Variants in ITGA11 observed in about 807,000 individuals in gnomAD.
The protein encoded by ITGA11 is integrin subunit alpha 11.
In ITGA11, 97 loss-of-function variants were observed where a neutral mutation model predicts 141.9. The ratio of observed to expected loss-of-function variants is 0.68; its 90% confidence interval spans 0.58 to 0.81. The LOEUF (loss-of-function observed/expected upper bound fraction) is 0.81, where lower values mean the gene tolerates loss of function less well. Ranked by LOEUF, ITGA11 falls within the 30% of genes least tolerant of loss-of-function variation. ITGA11 has a pLI of 0.00. For synonymous variants in ITGA11, 658 were observed against 624.6 expected (o/e 1.05, Z -0.80); for missense variants, 1,387 against 1,559.2 (o/e 0.89, Z 1.86).
chr15:68,404,995 G>T (rs766375642), intron 1 of ITGA11, among the ~76,000 whole-genome samples: 6 of 152,166 alleles, frequency 3.9e-5, no homozygotes, highest in Non-Finnish European at 8.8e-5. Flanking sequence ...ACCCAAGCCC[G>T]CTGGGTAGGG....
At position 68,308,857 on chromosome 15, in the gene ITGA11, T is replaced by A. The variant is rs867401636; in HGVS notation, c.3175-1161A>T. 2.0e-5 allele frequency among the ~76,000 whole-genome samples: 3 copies of A among 152,066 alleles called. No homozygotes were observed. The highest frequency in any genetic ancestry group is 2.1e-4 in the South Asian group (1 of 4,818). On this transcript the variant is annotated intron_variant, in intron 26 of 29. Coordinates refer to ENST00000315757, the MANE Select transcript of ITGA11 (RefSeq NM_001004439.2). The surrounding 1 kb of genome is among the most constrained non-coding windows in gnomAD (Gnocchi z 5.2). ...TATCAATTTGTGAGGAAAAAAAAAA[T>A]CTTGTTCAGGCCCTCACTGAAGAAG...
chr15:68,363,767 T>G (rs1895327899), intron 4 of ITGA11, among the ~76,000 whole-genome samples: 1 of 152,168 alleles, frequency 6.6e-6, no homozygotes. Context: ...TCGCCCATAC[T>G]CAACGCAGCT....
At chr15:68,390,297 C>G (rs1450165649) in intron 2 of ITGA11, among the ~76,000 whole-genome samples, 1 of 152,120 alleles carries the variant, frequency 6.6e-6, no homozygotes. Flanking sequence ...CTGTTTACTG[C>G]GGGCCCTTGA....
In ITGA11 at chr15:68,321,546, C is replaced by T. The variant is rs543866328; in HGVS notation, c.2323-43G>A. ...AGGTGTGGGCAGCTGGGTAGGGACC[C>T]GCAGCCCCTCGCCCTCAATGTACAC... On this transcript the variant is annotated intron_variant, in intron 18 of 29. Coordinates refer to ENST00000315757, the MANE Select transcript of ITGA11 (RefSeq NM_001004439.2). This position sits in a 1 kb window ranked among gnomAD's most constrained non-coding sequence, Gnocchi z 4.9. 21 of 1,315,454 alleles carry T rather than the reference C, an allele frequency of 1.6e-5. No homozygotes were observed. The highest frequency in any genetic ancestry group is 6.8e-5 in the South Asian group (5 of 73,654). 81.5% of individuals were successfully genotyped at this position (1,315,454 alleles called of 1,614,324 possible).
intron 4 of ITGA11, among the ~76,000 whole-genome samples, chr15:68,364,061 A>G (rs991915584): frequency 6.6e-6 from 1 of 152,200 alleles, no homozygotes; most frequent in African/African-American, 2.4e-5. Context: ...GCTCAGAAAC[A>G]TCATTGTTTA....
intron 5 of ITGA11, 102 bp from the exon 6 acceptor site, chr15:68,358,687 A>C (rs1229560545): frequency 7.9e-7 from 1 of 1,259,022 alleles, no homozygotes; most frequent in African/African-American, 1.5e-5. Flanking sequence ...ACTCTGCTCC[A>C]TATGTGTAAT....
chr15:68,356,968 ACTAC>A (rs1488269023), intron 7 of ITGA11, 179 bp downstream of exon 7: 4 of 596,906 alleles, frequency 6.7e-6, no homozygotes, highest in Non-Finnish European at 1.2e-5. Flanking sequence ...CCAGACTGCA[ACTAC>A]CTGAGAGGAC....
chr15:68,431,008 A>G (rs76443987), intron 1 of ITGA11, among the ~76,000 whole-genome samples: 2,990 of 152,328 alleles, frequency 0.02, 45 homozygotes, highest in Non-Finnish European at 0.03. Flanking sequence ...GAGCCCACGC[A>G]GAAGGGGAGG....
chr15:68,316,195 C>A (rs1325899911), intron 21 of ITGA11, among the ~76,000 whole-genome samples: 1 of 152,168 alleles, frequency 6.6e-6, no homozygotes, highest in Non-Finnish European at 1.5e-5. Context: ...GAGGAGATGG[C>A]CCAGAGAGGG....
At chr15:68,396,960 A>T (rs1245803290) in intron 2 of ITGA11, among the ~76,000 whole-genome samples, 17 of 6,512 alleles carry the variant, frequency 2.6e-3, no homozygotes, top group Admixed American at 3.2e-3. Flanking sequence ...TATTTATTAT[A>T]TAATAAATAA....
At chr15:68,410,951 T>G (rs1477871105) in intron 1 of ITGA11, among the ~76,000 whole-genome samples, 1 of 152,190 alleles carries the variant, frequency 6.6e-6, no homozygotes, top group South Asian at 2.1e-4. Context: ...ATAGGAGACC[T>G]AGTAACTCTG....
intron 5 of ITGA11, among the ~76,000 whole-genome samples, chr15:68,361,330 C>T (rs1895237840): frequency 6.6e-6 from 1 of 152,168 alleles, no homozygotes; most frequent in East Asian, 1.9e-4. Flanking sequence ...TGCAGTGAGC[C>T]TCCCTTGAGG....
chr15:68,400,780 A>C (rs868421815), intron 2 of ITGA11, among the ~76,000 whole-genome samples: 1 of 23,666 alleles, frequency 4.2e-5, no homozygotes, highest in Non-Finnish European at 6.5e-5. Context: ...TATATAATAA[A>C]TATTATATTA....
At chr15:68,319,427 G>A (rs1003768364) in intron 20 of ITGA11, among the ~76,000 whole-genome samples, 2 of 152,266 alleles carry the variant, frequency 1.3e-5, no homozygotes, top group Non-Finnish European at 2.9e-5. Context: ...TTGGGCAGAG[G>A]AGAGAGGAGT....
rs1394683245 is a variant in ITGA11 at position 68,326,801 on chromosome 15, A to G, written c.2069-5T>C. 2 of 1,574,142 alleles carry G rather than the reference A, an allele frequency of 1.3e-6. No individual in the cohort carries two copies. Among genetic ancestry groups the G allele is most frequent in the Non-Finnish European group, 1.7e-6 (2 of 1,158,998 alleles). On this transcript the variant is annotated splice_region_variant and splice_polypyrimidine_tract_variant and intron_variant, in intron 16 of 29. Coordinates refer to ENST00000315757, the MANE Select transcript of ITGA11 (RefSeq NM_001004439.2). This position sits in a 1 kb window ranked among gnomAD's most constrained non-coding sequence, Gnocchi z 6.8. Reference sequence around the variant, plus strand: ...TGGTGGCGTTGTATCTGATGCCTGCAGGAGGGGAGAGGGCAAGACCACAAA... The same window carrying G: ...TGGTGGCGTTGTATCTGATGCCTGCGGGAGGGGAGAGGGCAAGACCACAAA...
chr15:68,377,573 G>C (rs140216635), intron 2 of ITGA11, among the ~76,000 whole-genome samples: 2 of 152,112 alleles, frequency 1.3e-5, no homozygotes, highest in African/African-American at 2.4e-5. Context: ...CGCCTGGCCC[G>C]AAGTAAAACT....
intron 10 of ITGA11, among the ~76,000 whole-genome samples, chr15:68,341,317 G>A (rs1894561975): frequency 6.6e-6 from 1 of 152,230 alleles, no homozygotes; most frequent in Admixed American, 6.5e-5. Context: ...TGTCCACAAA[G>A]TCACCACCAA....
chr15:68,429,968 A>C (rs1202430101), intron 1 of ITGA11, among the ~76,000 whole-genome samples: 1 of 150,692 alleles, frequency 6.6e-6, no homozygotes, highest in Non-Finnish European at 1.5e-5. Flanking sequence ...CAAGCCATTC[A>C]CTCCCTGGTG....
chr15:68,393,359 T>C (rs1896162569), intron 2 of ITGA11, among the ~76,000 whole-genome samples: 1 of 152,138 alleles, frequency 6.6e-6, no homozygotes, highest in Non-Finnish European at 1.5e-5. Flanking sequence ...ATTAAAAGTA[T>C]CAATGCAGAT....
Sources: allele counts gnomAD v4.1 joint callset (sites outside exome capture counted in the v4.1 genomes callset), GRCh38; gene constraint gnomAD v4.1.1; non-coding constraint Gnocchi (gnomAD v3.1); transcripts MANE v1.5; gene names NCBI Gene and HGNC (gene_info 2026-07-23, HGNC 2026-07-21).